Variants in SNAPC3 observed in about 807,000 individuals in gnomAD.
SNAPC3 encodes snRNA-activating protein complex subunit 3.
In SNAPC3, 56 loss-of-function variants were observed where a neutral mutation model predicts 47.7. The observed-to-expected ratio is 1.18, with a 90% confidence interval of 0.95 to 1.47. The LOEUF is 1.47. SNAPC3 is among the 40% of genes most tolerant of loss of function. SNAPC3 has a pLI of 0.00. For synonymous variants in SNAPC3, 235 were observed against 189.9 expected (o/e 1.24, Z -1.95); for missense variants, 665 against 511.3 (o/e 1.30, Z -2.90).
chr9:15,448,624 G>T (rs1400034508), intron 5 of SNAPC3, among the ~76,000 whole-genome samples: 2 of 152,160 alleles, frequency 1.3e-5, no homozygotes, highest in African/African-American at 4.8e-5. Flanking sequence ...CGTTTTTGGT[G>T]ACTAGTGTGG....
At chr9:15,454,817 C>T (rs1007182521) in intron 7 of SNAPC3, among the ~76,000 whole-genome samples, 1 of 152,154 alleles carries the variant, frequency 6.6e-6, no homozygotes, top group African/African-American at 2.4e-5. Flanking sequence ...ACCTGTAGTC[C>T]TAGCTACTCG....
At chr9:15,444,855 G>T (rs1434679574) in intron 4 of SNAPC3, 149 bp downstream of exon 4, 1 of 493,200 alleles carries the variant, frequency 2.0e-6, no homozygotes. Flanking sequence ...ACTTTGGGAG[G>T]CCAAGGCAGG....
chr9:15,442,340 G>A (rs1394427373), intron 3 of SNAPC3, among the ~76,000 whole-genome samples: 2 of 151,620 alleles, frequency 1.3e-5, no homozygotes, highest in Non-Finnish European at 1.5e-5. Flanking sequence ...TGGACGGGGC[G>A]GCTGCCGGGC....
rs1164980716 is a variant in SNAPC3, at chr9:15,449,559, A to AT, written c.733-1760dup. Among the ~76,000 whole-genome samples, 63 of 45,550 alleles carry AT rather than the reference A, an allele frequency of 1.4e-3. 1 individual carries two copies. The highest frequency in any genetic ancestry group is 3.9e-3 in the South Asian group (5 of 1,298). 29.9% of individuals were successfully genotyped at this position (45,550 alleles called of 152,430 possible). ...ATTATATATATATATATATATATAT[A>AT]TATATTTTTTTTTTTTTTTTTTTTT... On this transcript the variant is annotated intron_variant, in intron 5 of 8. Transcript: ENST00000380821.
At chr9:15,455,218 TTA>T (rs1360646357) in intron 7 of SNAPC3, among the ~76,000 whole-genome samples, 1 of 152,160 alleles carries the variant, frequency 6.6e-6, no homozygotes, top group Non-Finnish European at 1.5e-5. Context: ...AACCTTGGAT[TTA>T]TATGACTTTT....
At chr9:15,442,146 T>C (rs1177678244) in intron 3 of SNAPC3, among the ~76,000 whole-genome samples, 12 of 135,844 alleles carry the variant, frequency 8.8e-5, no homozygotes, top group South Asian at 5.0e-4. Context: ...GGCGGCTGGC[T>C]GGGTGGGGGC....
At chr9:15,453,343 C>G (rs1211912346) in intron 7 of SNAPC3, 138 bp downstream of exon 7, 2 of 589,472 alleles carry the variant, frequency 3.4e-6, no homozygotes, top group East Asian at 2.9e-5. Context: ...AGCAAAAATA[C>G]TGTCTTCTTT....
chr9:15,434,127 C>T (rs1003270004), intron 3 of SNAPC3, among the ~76,000 whole-genome samples: 1 of 152,154 alleles, frequency 6.6e-6, no homozygotes, highest in Admixed American at 6.5e-5. Context: ...ACTTATTTTA[C>T]TTTTATTGTG....
chr9:15,465,537 A>T (rs1456777112), downstream of SNAPC3: 2 of 1,578,966 alleles, frequency 1.3e-6, no homozygotes, highest in African/African-American at 2.7e-5. Context: ...TCTAGTGTAG[A>T]ATCCTTCAGA....
chr9:15,443,149 A>T (rs540985242), intron 3 of SNAPC3, among the ~76,000 whole-genome samples: 1 of 152,252 alleles, frequency 6.6e-6, no homozygotes, highest in African/African-American at 2.4e-5. Flanking sequence ...TCGGCATCAG[A>T]GGGAGACTGT....
intron 4 of SNAPC3, among the ~76,000 whole-genome samples, chr9:15,445,075 C>G (rs552514655): frequency 6.6e-6 from 1 of 152,298 alleles, no homozygotes; most frequent in East Asian, 1.9e-4. Context: ...GCCTAGGAGA[C>G]AGCGTGAGAC....
rs1384046070 is a variant in SNAPC3, at chr9:15,433,048, G to T, written c.393-504G>T. Reference sequence around the variant, plus strand: ...ATCTTGATATGATATAATGAGAAGGGCATCATTGTAGTATTCTTACCAAAA... The same window carrying T: ...ATCTTGATATGATATAATGAGAAGGTCATCATTGTAGTATTCTTACCAAAA... On this transcript the variant is annotated intron_variant, in intron 2 of 8. Transcript: ENST00000380821. Among the ~76,000 whole-genome samples the T allele has an allele frequency of 2.0e-5, 3 of 152,024 alleles. No homozygotes were observed. In the South Asian group the frequency reaches 6.2e-4, roughly 31 times the overall value.
chr9:15,441,395 T>TTTC (rs1294817154), intron 3 of SNAPC3, among the ~76,000 whole-genome samples: 2 of 128,380 alleles, frequency 1.6e-5, no homozygotes, highest in African/African-American at 5.8e-5. Flanking sequence ...TTTTTTTTTT[T>TTTC]TTTTTTTTTT....
chr9:15,433,716 A>G, intron 3 of SNAPC3, 80 bp downstream of exon 3: 3 of 877,066 alleles, frequency 3.4e-6, no homozygotes, highest in Non-Finnish European at 5.6e-6. Flanking sequence ...TAATGACAGT[A>G]TGGTAGCTTT....
At chr9:15,438,296 CT>C (rs199622978) in intron 3 of SNAPC3, among the ~76,000 whole-genome samples, 2,129 of 152,128 alleles carry the variant, frequency 0.014, 25 homozygotes, top group Non-Finnish European at 0.022. Flanking sequence ...TCTTCTAATC[CT>C]TTTTTTCCTG....
At chr9:15,452,065 C>G (rs537498250) in intron 6 of SNAPC3, among the ~76,000 whole-genome samples, 14 of 152,114 alleles carry the variant, frequency 9.2e-5, no homozygotes, top group Non-Finnish European at 1.9e-4. Context: ...CCAGGTCAAG[C>G]CATTCTCGTG....
At chr9:15,448,566 C>G (rs1321105793) in intron 5 of SNAPC3, among the ~76,000 whole-genome samples, 1 of 152,166 alleles carries the variant, frequency 6.6e-6, no homozygotes, top group Non-Finnish European at 1.5e-5. Context: ...TTTCAGTATG[C>G]TGATTCAGTG....
At chr9:15,442,664 A>G (rs567682063) in intron 3 of SNAPC3, among the ~76,000 whole-genome samples, 16 of 151,336 alleles carry the variant, frequency 1.1e-4, no homozygotes, top group African/African-American at 3.9e-4. Flanking sequence ...GCGGCCAGGA[A>G]GAGACGCTCC....
In SNAPC3 at chr9:15,459,913, C is replaced by T. The variant is rs757642336; in HGVS notation, c.*47C>T. The T allele has an allele frequency of 6.5e-7, 1 of 1,537,080 alleles. No individual in the cohort carries two copies. Among genetic ancestry groups the T allele is most frequent in the Admixed American group, 1.8e-5 (1 of 55,144 alleles). ...TACCCCCTCATGAAATAACTGTTCT[C>T]TTGGATGGTTACCTTATTTCTAAGA... On this transcript the variant is annotated 3_prime_UTR_variant, in exon 9 of 9. Coordinates refer to ENST00000380821, the MANE Select transcript of SNAPC3 (RefSeq NM_001039697.2).
Sources: gnomAD v4.1 joint callset for allele counts (sites outside exome capture counted in the v4.1 genomes callset) on GRCh38, gnomAD v4.1.1 for gene constraint, MANE v1.5 for transcripts, NCBI Gene and HGNC (gene_info 2026-07-23, HGNC 2026-07-21) for gene names.